Variants in DGKD observed in about 807,000 individuals in gnomAD.
DGKD encodes the protein diacylglycerol kinase delta, also known as DAG kinase delta.
In DGKD, 68 loss-of-function variants were observed where a neutral mutation model predicts 154.4. That is an observed-to-expected ratio of 0.44 (90% confidence interval 0.36 to 0.54). The LOEUF is 0.54. Among genes scored for constraint, DGKD ranks in the 20% least tolerant of loss-of-function variants. The pLI, the probability that DGKD is intolerant of heterozygous loss-of-function variation, is 0.00. For missense variants in DGKD, 1,343 were observed against 1,593.6 expected, an observed-to-expected ratio of 0.84 and a Z score of 2.68; for synonymous variants, 693 against 638.0, an observed-to-expected ratio of 1.09 and a Z score of -1.30.
chr2:233,402,965 T>G (rs910569232), intron 3 of DGKD, among the ~76,000 whole-genome samples: 1 of 152,052 alleles, frequency 6.6e-6, no homozygotes, highest in Non-Finnish European at 1.5e-5. Flanking sequence ...CTGTCATAAG[T>G]AGAGTGGAAG....
intron 3 of DGKD, among the ~76,000 whole-genome samples, chr2:233,399,886 C>T (rs898549698): frequency 3.3e-5 from 5 of 152,030 alleles, no homozygotes; most frequent in South Asian, 4.2e-4. Flanking sequence ...GCACTGCAGG[C>T]GGGCAGGGTC....
At chr2:233,392,497 C>G (rs190378407) in intron 3 of DGKD, 3 of 152,222 alleles carry the variant, frequency 2.0e-5, no homozygotes, top group Admixed American at 1.3e-4. Flanking sequence ...CAGTTTTAAA[C>G]AATTGTTTTT....
intron 5 of DGKD, among the ~76,000 whole-genome samples, 174 bp from the exon 6 acceptor site, chr2:233,435,644 G>A (rs1467730121): frequency 1.3e-5 from 2 of 152,164 alleles, no homozygotes; most frequent in African/African-American, 2.4e-5. Context: ...TGCCGCTGCC[G>A]GTCCCACCGC....
At chr2:233,453,590 C>T (rs568167257) in intron 18 of DGKD, among the ~76,000 whole-genome samples, 1 of 152,340 alleles carries the variant, frequency 6.6e-6, no homozygotes, top group African/African-American at 2.4e-5. Flanking sequence ...AGAATTCTGG[C>T]CCGAGCAATG....
In DGKD at chr2:233,459,900, G is replaced by A. The variant is rs760153499; in HGVS notation, c.2829+9G>A. 5 of 1,612,122 alleles carry A rather than the reference G, an allele frequency of 3.1e-6. No individual in the cohort carries two copies. The African/African-American group carries it at 4.0e-5, about 13-fold the overall frequency. On this transcript the variant is annotated intron_variant, in intron 23 of 29. Transcript: ENST00000264057. The surrounding 1 kb of genome is among the most constrained non-coding windows in gnomAD (Gnocchi z 5.7). ...CACTGACCAGAGACAGGGTAAGAGC[G>A]GCTGCCCGCGGTACCTGGGTGGGGT... is the stretch of plus-strand genomic sequence containing the variant.
At chr2:233,431,668 A>G (rs544618656) in intron 3 of DGKD, among the ~76,000 whole-genome samples, 2 of 152,362 alleles carry the variant, frequency 1.3e-5, no homozygotes, top group East Asian at 1.9e-4. Flanking sequence ...AAATAAATTC[A>G]TACATCCACA....
intron 1 of DGKD, among the ~76,000 whole-genome samples, chr2:233,380,147 G>A (rs543969986): frequency 1.3e-5 from 2 of 152,274 alleles, no homozygotes; most frequent in South Asian, 4.1e-4. Flanking sequence ...AATTAGAAAT[G>A]GGGAGTGAAG....
Position 233,371,033 on chromosome 2 carries a change from T to C in DGKD, c.156+16359T>C, listed in dbSNP as rs563524131. Among the ~76,000 whole-genome samples, 9 of 152,312 alleles carry C rather than the reference T, an allele frequency of 5.9e-5. No homozygotes were observed. The East Asian group carries it at 1.7e-3, about 29-fold the overall frequency. ...TCCCAGAGTGCTGGGATTACAGGTG[T>C]GAGCCACTGTGCCCAGCTGACCTGT... On this transcript the variant is annotated intron_variant, in intron 1 of 29. Coordinates refer to ENST00000264057, the MANE Select transcript of DGKD (RefSeq NM_152879.3).
rs776057203 is a variant in DGKD at position 233,434,769 on chromosome 2, C to A, written c.454C>A (p.Pro152Thr). The change falls in exon 5 of 30, where the codon CCC (proline) becomes ACC (threonine). Residue 152 changes from proline to threonine, a missense_variant and splice_region_variant. By Grantham distance (38) the Pro-to-Thr change is conservative. Coordinates refer to ENST00000264057, the MANE Select transcript of DGKD (RefSeq NM_152879.3). ...KTVQNREHFE[P>T]TQYSMDHFSG... ...TGCCCTCTTGGTTTCGTTCTTCCAG[C>A]CCACCCAGTACAGCATGGACCACTT... 3.7e-6 allele frequency: 6 copies of A among 1,604,342 alleles called. No homozygotes were observed. Among genetic ancestry groups the A allele is most frequent in the African/African-American group, 2.7e-5 (2 of 74,446 alleles).
chr2:233,357,779 C>T (rs749675621), intron 1 of DGKD, among the ~76,000 whole-genome samples: 18 of 152,038 alleles, frequency 1.2e-4, no homozygotes, highest in Non-Finnish European at 2.5e-4. Flanking sequence ...TCAAGTAATA[C>T]ACCCACCTCA....
At chr2:233,468,310 T>A (rs1254970450) in intron 28 of DGKD, 113 bp from the exon 29 acceptor site, 1 of 1,345,180 alleles carries the variant, frequency 7.4e-7, no homozygotes, top group Non-Finnish European at 1.0e-6. Flanking sequence ...GTGCTGGCTG[T>A]TGGGACGTCT....
chr2:233,400,762 G>T (rs1408184212), intron 3 of DGKD, among the ~76,000 whole-genome samples: 1 of 152,184 alleles, frequency 6.6e-6, no homozygotes, highest in East Asian at 1.9e-4. Flanking sequence ...CTGAGCTGCT[G>T]TTCCCGGAGA....
intron 14 of DGKD, among the ~76,000 whole-genome samples, chr2:233,448,663 G>A (rs1157520069): frequency 6.6e-6 from 1 of 152,190 alleles, no homozygotes; most frequent in Non-Finnish European, 1.5e-5. Flanking sequence ...TATCCCATTG[G>A]CCACTTCATG....
chr2:233,387,624 C>T (rs564504363), intron 1 of DGKD, among the ~76,000 whole-genome samples: 4 of 152,276 alleles, frequency 2.6e-5, no homozygotes, highest in South Asian at 2.1e-4. Context: ...TCTGGATTCT[C>T]GTAAGAGAAC....
At chr2:233,381,502 A>G (rs1702904904) in intron 1 of DGKD, among the ~76,000 whole-genome samples, 1 of 152,208 alleles carries the variant, frequency 6.6e-6, no homozygotes, top group African/African-American at 2.4e-5. Flanking sequence ...TCTGGCCCTC[A>G]GTTTCGTAAT....
At chr2:233,406,011 A>G (rs183147367) in intron 3 of DGKD, among the ~76,000 whole-genome samples, 14 of 152,338 alleles carry the variant, frequency 9.2e-5, no homozygotes, top group East Asian at 3.9e-4. Flanking sequence ...GAGGCCAGAC[A>G]TCTGAAATCA....
intron 16 of DGKD, 21 bp downstream of exon 16, chr2:233,450,152 C>T (rs752539764): frequency 7.5e-6 from 12 of 1,593,246 alleles, no homozygotes; most frequent in Admixed American, 3.5e-5. Flanking sequence ...CTCCACCTCC[C>T]TCTGCGCACC....
chr2:233,411,645 C>G (rs1482926419), intron 3 of DGKD, among the ~76,000 whole-genome samples: 1 of 152,142 alleles, frequency 6.6e-6, no homozygotes, highest in Non-Finnish European at 1.5e-5. Flanking sequence ...TTTAATGACA[C>G]TTTTAGAACA....
chr2:233,431,880 A>G (rs964163877), intron 3 of DGKD, among the ~76,000 whole-genome samples: 2 of 152,264 alleles, frequency 1.3e-5, no homozygotes, highest in African/African-American at 4.8e-5. Context: ...ACACTGGGGA[A>G]ACTTTCTAGG....
Sources: gnomAD v4.1 joint callset for allele counts (sites outside exome capture counted in the v4.1 genomes callset) on GRCh38, gnomAD v4.1.1 for gene constraint, Gnocchi (gnomAD v3.1) non-coding constraint, MANE v1.5 for transcripts, NCBI Gene and HGNC (gene_info 2026-07-23, HGNC 2026-07-21) for gene names.